Variants in ANAPC10 observed in about 807,000 individuals in gnomAD.
ANAPC10 encodes anaphase promoting complex subunit 10.
Under a neutral mutation model 22.0 loss-of-function variants are expected in ANAPC10, and 12 were observed. The observed-to-expected ratio is 0.55, with a 90% CI of 0.35 to 0.88. The LOEUF (loss-of-function observed/expected upper bound fraction) is 0.88. ANAPC10 is among the 40% of genes least tolerant of loss of function. The pLI, the probability that ANAPC10 is intolerant of heterozygous loss-of-function variation, is 0.01. For missense variants in ANAPC10, 188 were observed against 220.9 expected (o/e 0.85, Z 0.94); for synonymous variants, 65 against 69.5 (o/e 0.94, Z 0.32).
intron 4 of ANAPC10, among the ~76,000 whole-genome samples, chr4:145,002,093 T>C (rs1276146258): frequency 6.6e-6 from 1 of 152,204 alleles, no homozygotes; most frequent in Non-Finnish European, 1.5e-5. Flanking sequence ...ACTAACCATA[T>C]CTGTGACTTA....
chr4:145,000,991 C>T lies in ANAPC10; in HGVS notation c.328-5388G>A, dbSNP rs181391782. Among the ~76,000 whole-genome samples the T allele has an allele frequency of 1.1e-4, 16 of 152,102 alleles. No individual in the cohort carries two copies. The East Asian group carries it at 2.9e-3, about 28-fold the overall frequency. On this transcript the variant is annotated intron_variant, in intron 4 of 4. Coordinates refer to ENST00000507656, the MANE Select transcript of ANAPC10 (RefSeq NM_001256706.2). The stretch of plus-strand genomic sequence containing the variant: ...TTCTCACTCATAAATGGGAATTGAA[C>T]AATGAGAACACTTGGACACAGGGCC...
chr4:145,074,034 C>T (rs887138506), intron 3 of ANAPC10, among the ~76,000 whole-genome samples: 2 of 151,788 alleles, frequency 1.3e-5, no homozygotes, highest in Non-Finnish European at 2.9e-5. Flanking sequence ...CCCAATTTTC[C>T]TTAAAATATT....
chr4:145,001,897 G>A (rs1732627018), intron 4 of ANAPC10, among the ~76,000 whole-genome samples: 1 of 151,958 alleles, frequency 6.6e-6, no homozygotes, highest in Admixed American at 6.6e-5. Context: ...AGTATTAACT[G>A]CAGCATAAAC....
At chr4:145,076,246 T>C (rs1010990611) in intron 3 of ANAPC10, among the ~76,000 whole-genome samples, 1 of 152,206 alleles carries the variant, frequency 6.6e-6, no homozygotes. Context: ...AGTACAGCAG[T>C]TGCTTATCTT....
rs1731442309 is a variant in ANAPC10, at chr4:144,995,241, T to C, written c.*132A>G. 2.0e-6 allele frequency: 1 copy of C among 508,072 alleles called. No homozygotes were observed. The highest frequency in any genetic ancestry group is 2.0e-5 in the African/African-American group (1 of 50,844). The allele number at this position is 508,072 out of a possible 1,614,324, so 31.5% of individuals were successfully genotyped here. A position where few individuals can be genotyped will look rare whatever the true frequency, so the allele number is the denominator to read the frequency against. On this transcript the variant is annotated 3_prime_UTR_variant, in exon 5 of 5. Coordinates refer to ENST00000507656, the MANE Select transcript of ANAPC10 (RefSeq NM_001256706.2). The stretch of plus-strand genomic sequence containing the variant: ...TGACCCCAAATTTATTTGTCAAAGT[T>C]ACAATAAAATATTTTTAAACATATA...
At chr4:145,006,298 A>G (rs1488701216) in intron 4 of ANAPC10, among the ~76,000 whole-genome samples, 1 of 152,092 alleles carries the variant, frequency 6.6e-6, no homozygotes, top group East Asian at 1.9e-4. Flanking sequence ...AAATCTGCCA[A>G]TCAAGTGGAA....
chr4:145,061,350 T>C (rs1560894417), intron 4 of ANAPC10, among the ~76,000 whole-genome samples: 1 of 152,132 alleles, frequency 6.6e-6, no homozygotes, highest in African/African-American at 2.4e-5. Context: ...TACAATAGAA[T>C]ACAAAACATC....
intron 4 of ANAPC10, among the ~76,000 whole-genome samples, chr4:145,004,109 A>G (rs1181416102): frequency 6.6e-6 from 1 of 152,072 alleles, no homozygotes; most frequent in Non-Finnish European, 1.5e-5. Context: ...GCTACTGTGA[A>G]TAGAACTGCA....
chr4:145,064,544 C>T (rs774390312), intron 4 of ANAPC10, 28 bp downstream of exon 4: 12 of 1,573,536 alleles, frequency 7.6e-6, no homozygotes, highest in Non-Finnish European at 9.5e-6. Flanking sequence ...TAAAGGATGA[C>T]ATATTTTTAA....
At chr4:145,094,282 G>C (rs1375982925) in intron 2 of ANAPC10, among the ~76,000 whole-genome samples, 1 of 152,166 alleles carries the variant, frequency 6.6e-6, no homozygotes, top group African/African-American at 2.4e-5. Flanking sequence ...TTCTGGGAAA[G>C]GCGAAACCAA....
intron 2 of ANAPC10, among the ~76,000 whole-genome samples, chr4:145,082,821 G>A (rs533128499): frequency 4.5e-4 from 69 of 152,136 alleles, no homozygotes; most frequent in Admixed American, 1.3e-3. Flanking sequence ...TTTTTAATAA[G>A]AGAAATAAGT....
chr4:145,039,551 G>A lies in ANAPC10; in HGVS notation c.327+25021C>T, dbSNP rs1001261612. On this transcript the variant is annotated intron_variant, in intron 4 of 4. Transcript: ENST00000507656. ...GGCAAGCACAGTTGTAAGAACTATAGATGTATTGATTTTTTTCCAGCCTTG... is the reference window on the plus strand; with the variant it reads ...GGCAAGCACAGTTGTAAGAACTATAAATGTATTGATTTTTTTCCAGCCTTG... Among the ~76,000 whole-genome samples the A allele has an allele frequency of 7.2e-5, 11 of 152,062 alleles. No homozygotes were observed. The East Asian group carries it at 1.2e-3, about 16-fold the overall frequency.
At chr4:145,067,643 T>G (rs1286824629) in intron 3 of ANAPC10, among the ~76,000 whole-genome samples, 1 of 152,152 alleles carries the variant, frequency 6.6e-6, no homozygotes, top group Non-Finnish European at 1.5e-5. Flanking sequence ...CAAATATCAG[T>G]TCTGTCTGTT....
intron 4 of ANAPC10, among the ~76,000 whole-genome samples, chr4:145,042,766 T>A (rs757202052): frequency 1.3e-5 from 2 of 152,066 alleles, no homozygotes; most frequent in African/African-American, 4.8e-5. Flanking sequence ...CAGACACTGA[T>A]GTTCACACAA....
At chr4:144,996,297 ACGT>A (rs1262074935) in intron 4 of ANAPC10, among the ~76,000 whole-genome samples, 1 of 152,226 alleles carries the variant, frequency 6.6e-6, no homozygotes, top group Non-Finnish European at 1.5e-5. Context: ...CTGTAAAGAG[ACGT>A]TACTCCAGAA....
At chr4:145,001,468 T>C (rs896568922) in intron 4 of ANAPC10, among the ~76,000 whole-genome samples, 5 of 151,998 alleles carry the variant, frequency 3.3e-5, no homozygotes, top group African/African-American at 1.2e-4. Context: ...GAAAGAGAAA[T>C]TGAAATTTAT....
Position 144,995,538 on chromosome 4 carries a change from T to A in ANAPC10, c.393A>T (p.Pro131=), listed in dbSNP as rs1235623520. Residue 131 remains proline, a synonymous_variant, in exon 5 of 5, where the codon CCA becomes CCT. Coordinates refer to ENST00000507656, the MANE Select transcript of ANAPC10 (RefSeq NM_001256706.2). ...CAATCTGTATCATGAATGTACGAGT[T>A]GGCTTCTTATGATTGTCAGTTAAGG... ...HVPLTDNHKK[P]TRTFMIQIAV... is the part of the protein sequence containing the mutation. 2 of 1,613,940 alleles carry A rather than the reference T, an allele frequency of 1.2e-6. No homozygotes were observed. Among genetic ancestry groups the A allele is most frequent in the Non-Finnish European group, 8.5e-7 (1 of 1,179,912 alleles).
intron 4 of ANAPC10, among the ~76,000 whole-genome samples, chr4:145,061,032 G>A (rs1015125278): frequency 6.6e-6 from 1 of 152,100 alleles, no homozygotes; most frequent in Non-Finnish European, 1.5e-5. Context: ...TAGTTCCTGA[G>A]TGAGAACTAT....
chr4:145,007,241 G>A (rs1271200046), intron 4 of ANAPC10, among the ~76,000 whole-genome samples: 5 of 151,898 alleles, frequency 3.3e-5, no homozygotes, highest in African/African-American at 1.2e-4. Flanking sequence ...CGAGACAGAA[G>A]GTTGACAAGG....
Sources: gnomAD v4.1 joint callset for allele counts (sites outside exome capture counted in the v4.1 genomes callset) on GRCh38, gnomAD v4.1.1 for gene constraint, MANE v1.5 for transcripts, NCBI Gene and HGNC (gene_info 2026-07-23, HGNC 2026-07-21) for gene names.